IL1RAPL1: variants seen among roughly 807,000 people sequenced by gnomAD.
IL1RAPL1 encodes the protein interleukin 1 receptor accessory protein like 1, also known as interleukin-1 receptor accessory protein-like 1.
Under a neutral mutation model 48.4 loss-of-function variants are expected in IL1RAPL1, and 3 were observed. That is an observed-to-expected ratio of 0.06 (90% CI 0.03 to 0.16). The LOEUF (loss-of-function observed/expected upper bound fraction) is 0.16. Ranked by LOEUF, IL1RAPL1 falls within the 10% of genes least tolerant of loss-of-function variation. The probability of loss-of-function intolerance (pLI) is 1.00; values close to 1 mark genes in which losing one functional copy is unlikely to be tolerated. For synonymous variants in IL1RAPL1, 185 were observed against 187.7 expected, an observed-to-expected ratio of 0.99 and a Z score of 0.12; for missense variants, 349 against 530.6, an observed-to-expected ratio of 0.66 and a Z score of 3.36.
chrX:28,963,664 C>T (rs1489175971), intron 2 of IL1RAPL1, among the ~76,000 whole-genome samples: 1 of 110,693 alleles, frequency 9.0e-6, no homozygotes, highest in Non-Finnish European at 1.9e-5. Flanking sequence ...GTTATTACTT[C>T]CCTGGAAAGT....
chrX:29,048,551 G>A (rs1221202413), intron 2 of IL1RAPL1, among the ~76,000 whole-genome samples: 1 of 111,685 alleles, frequency 9.0e-6, no homozygotes, highest in Admixed American at 9.5e-5. Flanking sequence ...TGAGAAAAAA[G>A]TGTTCATCAT....
At chrX:29,825,750 T>G (rs1930722401) in intron 6 of IL1RAPL1, among the ~76,000 whole-genome samples, 1 of 112,068 alleles carries the variant, frequency 8.9e-6, no homozygotes, top group Non-Finnish European at 1.9e-5. Flanking sequence ...ATAAAACTTT[T>G]CTTTGTAGAC....
chrX:29,672,762 A>G (rs1054389657), intron 6 of IL1RAPL1, among the ~76,000 whole-genome samples: 52 of 111,950 alleles, frequency 4.6e-4, no homozygotes, highest in African/African-American at 1.5e-3. Flanking sequence ...ATTTTCTGCA[A>G]GAGAATATAA....
intron 5 of IL1RAPL1, among the ~76,000 whole-genome samples, chrX:29,570,281 AATTTGCTTC>A (rs1450278109): frequency 2.7e-5 from 3 of 112,484 alleles, no homozygotes; most frequent in African/African-American, 9.7e-5. Flanking sequence ...CTTAATTCTA[AATTTGCTTC>A]AGAAACAAGT....
At chrX:29,639,832 T>C (rs1335459606) in intron 5 of IL1RAPL1, among the ~76,000 whole-genome samples, 1 of 111,845 alleles carries the variant, frequency 8.9e-6, no homozygotes, top group African/African-American at 3.3e-5. Flanking sequence ...ACCCAGAGTA[T>C]TAGATATGCA....
At chrX:28,963,352 AGAT>A (rs1924836140) in intron 2 of IL1RAPL1, among the ~76,000 whole-genome samples, 1 of 111,535 alleles carries the variant, frequency 9.0e-6, no homozygotes, top group African/African-American at 3.3e-5. Context: ...GCCTTAATAA[AGAT>A]GATCTCTATT....
chrX:29,430,125 G>GTCTC (rs56659248), intron 5 of IL1RAPL1, among the ~76,000 whole-genome samples: 4 of 105,239 alleles, frequency 3.8e-5, no homozygotes, highest in Admixed American at 2.1e-4. Context: ...CTCTCTGTCT[G>GTCTC]TCTCTCTCTC....
intron 8 of IL1RAPL1, among the ~76,000 whole-genome samples, chrX:29,939,564 T>G (rs1933089892): frequency 1.8e-5 from 2 of 111,947 alleles, no homozygotes; most frequent in African/African-American, 6.5e-5. Flanking sequence ...TTGTTCCTGG[T>G]ATTTTTGTAG....
At chrX:29,332,523 T>C (rs1932895493) in intron 3 of IL1RAPL1, among the ~76,000 whole-genome samples, 1 of 103,014 alleles carries the variant, frequency 9.7e-6, no homozygotes, top group East Asian at 3.0e-4. Context: ...ATTGACTTGG[T>C]TGCCAATATT....
intron 2 of IL1RAPL1, among the ~76,000 whole-genome samples, chrX:29,087,867 T>A (rs1927989917): frequency 9.0e-6 from 1 of 111,684 alleles, no homozygotes; most frequent in Non-Finnish European, 1.9e-5. Context: ...AAACCCCGTC[T>A]CTACAAAAAA....
intron 3 of IL1RAPL1, among the ~76,000 whole-genome samples, chrX:29,377,186 CTT>C (rs758054744): frequency 4.5e-5 from 5 of 112,175 alleles, no homozygotes; most frequent in Non-Finnish European, 9.4e-5. Context: ...CTCCCACTGT[CTT>C]TTGTTTTCTG....
intron 2 of IL1RAPL1, among the ~76,000 whole-genome samples, chrX:28,818,894 CA>C (rs1489028689): frequency 9.0e-6 from 1 of 110,733 alleles, no homozygotes; most frequent in Non-Finnish European, 1.9e-5. Flanking sequence ...AATTACAGAA[CA>C]GGTATTTGTG....
chrX:29,306,655 G>A (rs1389735109), intron 3 of IL1RAPL1, among the ~76,000 whole-genome samples: 1 of 106,303 alleles, frequency 9.4e-6, no homozygotes, highest in Non-Finnish European at 1.9e-5. Context: ...AAGGTCAGGC[G>A]TTCACGACCA....
intron 6 of IL1RAPL1, among the ~76,000 whole-genome samples, chrX:29,883,813 G>GGCTT (rs1446859840): frequency 8.9e-6 from 1 of 112,293 alleles, no homozygotes; most frequent in African/African-American, 3.2e-5. Context: ...TTTAAGAACT[G>GGCTT]GCTTGTGTGC....
intron 2 of IL1RAPL1, among the ~76,000 whole-genome samples, chrX:28,933,046 G>T (rs1450914926): frequency 9.0e-6 from 1 of 111,445 alleles, no homozygotes; most frequent in Non-Finnish European, 1.9e-5. Context: ...TTCTGAGTGA[G>T]TTAATTAATT....
intron 5 of IL1RAPL1, among the ~76,000 whole-genome samples, chrX:29,646,029 A>G (rs1327762091): frequency 2.7e-5 from 3 of 112,301 alleles, no homozygotes; most frequent in South Asian, 3.7e-4. Flanking sequence ...ATTCATGACT[A>G]CAAGGACCAA....
At chrX:29,318,564 A>G (rs1932778682) in intron 3 of IL1RAPL1, among the ~76,000 whole-genome samples, 1 of 112,527 alleles carries the variant, frequency 8.9e-6, no homozygotes, top group Non-Finnish European at 1.9e-5. Context: ...ACGGTAATCT[A>G]AGCAGACATA....
At chrX:29,272,684 G>A (rs186256901) in intron 2 of IL1RAPL1, among the ~76,000 whole-genome samples, 9 of 111,537 alleles carry the variant, frequency 8.1e-5, no homozygotes, top group Admixed American at 2.9e-4. Context: ...CATTTCCTGA[G>A]CTTGAATGCT....
At chrX:29,852,248 G>T (rs7883812) in intron 6 of IL1RAPL1, among the ~76,000 whole-genome samples, 1,562 of 112,329 alleles carry the variant, frequency 0.014, 26 homozygotes, top group African/African-American at 0.045. Flanking sequence ...TTTGAACAGG[G>T]TACTCCCTCT....
Sources: allele counts gnomAD v4.1 joint callset (sites outside exome capture counted in the v4.1 genomes callset), GRCh38; gene constraint gnomAD v4.1.1; transcripts MANE v1.5; gene names NCBI Gene and HGNC (gene_info 2026-07-23, HGNC 2026-07-21).